Variants in MCC observed in about 807,000 individuals in gnomAD.
The protein encoded by MCC is colorectal mutant cancer protein.
MCC carries 90 observed loss-of-function variants against 116.2 expected under a neutral mutation model. The observed-to-expected ratio is 0.77, with a 90% confidence interval of 0.65 to 0.92. MCC has a LOEUF of 0.92. MCC is among the 40% of genes least tolerant of loss of function. MCC has a pLI of 0.00. For synonymous variants in MCC, 578 were observed against 510.5 expected (o/e 1.13, Z -1.78); for missense variants, 1,516 against 1,312.2 (o/e 1.16, Z -2.40).
chr5:113,479,402 T>C (rs961986463), intron 1 of MCC, among the ~76,000 whole-genome samples: 2 of 152,200 alleles, frequency 1.3e-5, no homozygotes, highest in African/African-American at 2.4e-5. Flanking sequence ...TAAAGGGGTA[T>C]ATAAATTTGT....
intron 6 of MCC, among the ~76,000 whole-genome samples, chr5:113,106,946 T>C (rs543443688): frequency 7.9e-5 from 12 of 152,324 alleles, no homozygotes; most frequent in African/African-American, 2.6e-4. Flanking sequence ...CCTCCTCCCT[T>C]ACCCATTCCC....
intron 2 of MCC, among the ~76,000 whole-genome samples, chr5:113,364,087 TG>T (rs1768617873): frequency 1.3e-5 from 2 of 151,678 alleles, no homozygotes; most frequent in Admixed American, 1.3e-4. Flanking sequence ...AAAAATTAGC[TG>T]GGCATGGTGG....
At chr5:113,443,605 C>G (rs1199389036) in intron 1 of MCC, among the ~76,000 whole-genome samples, 1 of 152,018 alleles carries the variant, frequency 6.6e-6, no homozygotes, top group Non-Finnish European at 1.5e-5. Flanking sequence ...CAGTTTTTGC[C>G]CATTCAGTAT....
At chr5:113,468,195 C>G (rs1771970673) in intron 1 of MCC, among the ~76,000 whole-genome samples, 1 of 152,142 alleles carries the variant, frequency 6.6e-6, no homozygotes, top group Admixed American at 6.5e-5. Context: ...CCTGACTGCC[C>G]TGGCCAGAAC....
rs946304648 is a variant in MCC at position 113,101,946 on chromosome 5, CTG to C, written c.1192-3_1192-2del. 3.1e-6 allele frequency: 5 copies of C among 1,613,678 alleles called. No individual in the cohort carries two copies. Among genetic ancestry groups the C allele is most frequent in the Non-Finnish European group, 8.5e-7 (1 of 1,179,994 alleles). On this transcript the variant is annotated splice_acceptor_variant and splice_polypyrimidine_tract_variant and intron_variant, in intron 7 of 18. Coordinates refer to ENST00000408903, the MANE Select transcript of MCC (RefSeq NM_001085377.2). LOFTEE classifies it high-confidence loss of function. ...GCACCCCCTCAATCTCCTCGACTGTCTGTAAAACACAGCCCCAAAGAAAAGTC... is the reference window on the plus strand; with the variant it reads ...GCACCCCCTCAATCTCCTCGACTGTCTAAAACACAGCCCCAAAGAAAAGTC...
At chr5:113,287,116 CA>C (rs1232043919) in intron 3 of MCC, among the ~76,000 whole-genome samples, 2 of 152,088 alleles carry the variant, frequency 1.3e-5, no homozygotes, top group Non-Finnish European at 2.9e-5. Flanking sequence ...TAATTACATA[CA>C]ATTTATCTCT....
chr5:113,208,763 T>G (rs558151737), intron 3 of MCC, among the ~76,000 whole-genome samples: 134 of 152,312 alleles, frequency 8.8e-4, no homozygotes, highest in African/African-American at 3.0e-3. Context: ...TTAAATGCTT[T>G]AGAGAGACAC....
At chr5:113,081,993 C>T (rs576551405) in intron 11 of MCC, among the ~76,000 whole-genome samples, 2 of 152,168 alleles carry the variant, frequency 1.3e-5, no homozygotes, top group Non-Finnish European at 2.9e-5. Flanking sequence ...TCAAGGCAGC[C>T]ACACCACACT....
intron 3 of MCC, among the ~76,000 whole-genome samples, chr5:113,266,959 T>C (rs900913327): frequency 3.9e-5 from 6 of 152,182 alleles, no homozygotes; most frequent in African/African-American, 1.2e-4. Context: ...AATAAGAGCC[T>C]AAGTTACTGA....
chr5:113,454,007 G>A (rs1468598768), intron 1 of MCC, among the ~76,000 whole-genome samples: 1 of 152,140 alleles, frequency 6.6e-6, no homozygotes, highest in African/African-American at 2.4e-5. Context: ...CTGTTCGGCA[G>A]GCTGAGGCAG....
chr5:113,179,222 A>G (rs775778452), intron 3 of MCC, among the ~76,000 whole-genome samples: 6 of 152,194 alleles, frequency 3.9e-5, no homozygotes, highest in Admixed American at 6.5e-5. Context: ...AATCTTATGA[A>G]CAGTACCACA....
At chr5:113,125,167 C>T (rs532138955) in intron 5 of MCC, among the ~76,000 whole-genome samples, 12 of 152,078 alleles carry the variant, frequency 7.9e-5, no homozygotes, top group African/African-American at 2.4e-4. Context: ...TATATTGCAC[C>T]GGAGGATGCA....
intron 17 of MCC, among the ~76,000 whole-genome samples, chr5:113,035,575 G>A (rs1173273937): frequency 2.6e-5 from 4 of 152,084 alleles, no homozygotes; most frequent in African/African-American, 9.7e-5. Flanking sequence ...CTGGGCCTTT[G>A]GGCTGCTGGA....
At chr5:113,065,222 C>G (rs959273441) in intron 13 of MCC, among the ~76,000 whole-genome samples, 2 of 152,084 alleles carry the variant, frequency 1.3e-5, no homozygotes, top group Non-Finnish European at 2.9e-5. Flanking sequence ...ACTGTAGGTT[C>G]ATCACTTGTA....
chr5:113,048,882 T>C (rs1469404705), intron 16 of MCC: 2 of 595,786 alleles, frequency 3.4e-6, no homozygotes, highest in African/African-American at 3.7e-5. Flanking sequence ...GGTTCAACTA[T>C]TACATAAAGT....
At chr5:113,042,688 C>G (rs1217740306) in intron 17 of MCC, among the ~76,000 whole-genome samples, 1 of 151,738 alleles carries the variant, frequency 6.6e-6, no homozygotes, top group Non-Finnish European at 1.5e-5. Flanking sequence ...ATAGGGCAGC[C>G]ACAACCATAT....
intron 3 of MCC, among the ~76,000 whole-genome samples, chr5:113,329,640 T>C (rs1489966037): frequency 6.6e-6 from 1 of 152,184 alleles, no homozygotes; most frequent in Non-Finnish European, 1.5e-5. Flanking sequence ...CCAAAAGTAA[T>C]TAATAATAGA....
chr5:113,065,541 G>A (rs1420980910), intron 13 of MCC, among the ~76,000 whole-genome samples: 1 of 152,126 alleles, frequency 6.6e-6, no homozygotes, highest in African/African-American at 2.4e-5. Context: ...GGAATTGGAT[G>A]AAGTGGGCAG....
intron 5 of MCC, among the ~76,000 whole-genome samples, chr5:113,127,797 G>T (rs562276496): frequency 6.6e-6 from 1 of 152,122 alleles, no homozygotes; most frequent in Non-Finnish European, 1.5e-5. Flanking sequence ...TAAGTTGTCT[G>T]TTTACTCTGT....
Sources: allele counts gnomAD v4.1 joint callset (sites outside exome capture counted in the v4.1 genomes callset), GRCh38; gene constraint gnomAD v4.1.1; transcripts MANE v1.5; gene names NCBI Gene and HGNC (gene_info 2026-07-23, HGNC 2026-07-21).